The following PXDNL variants were observed in gnomAD, a reference collection of about 807,000 sequenced individuals.
PXDNL encodes the protein probable oxidoreductase PXDNL.
PXDNL carries 145 observed loss-of-function variants against 150.8 expected under a neutral mutation model. That is an observed-to-expected ratio of 0.96 (90% CI 0.84 to 1.10). The LOEUF (loss-of-function observed/expected upper bound fraction) is 1.10. Among genes scored for constraint, PXDNL ranks in the 50% least tolerant of loss-of-function variants. The pLI, the probability that PXDNL is intolerant of heterozygous loss-of-function variation, is 0.00. For synonymous variants in PXDNL, 757 were observed against 725.7 expected (o/e 1.04, Z -0.69); for missense variants, 2,087 against 1,873.9 (o/e 1.11, Z -2.10).
chr8:51,404,896 G>A (rs1808392109), intron 17 of PXDNL, among the ~76,000 whole-genome samples: 1 of 152,276 alleles, frequency 6.6e-6, no homozygotes, highest in East Asian at 1.9e-4. Context: ...AGGGAGGCTC[G>A]GGCTGCACAG....
chr8:51,743,904 A>AAAG (rs2036933488), intron 1 of PXDNL, among the ~76,000 whole-genome samples: 3 of 15,942 alleles, frequency 1.9e-4, no homozygotes, highest in African/African-American at 4.1e-4. Flanking sequence ...CTCTGCTGAG[A>AAAG]GAGAAAGGAA....
At chr8:51,452,935 A>AACACACACACACACACACACACACAC (rs146990384) in intron 10 of PXDNL, among the ~76,000 whole-genome samples, 6 of 142,564 alleles carry the variant, frequency 4.2e-5, no homozygotes, top group African/African-American at 1.6e-4. Context: ...CACACACACA[A>AACACACACACACACACACACACACAC]ACACACACAC....
chr8:51,587,540 G>A (rs1000600355), intron 3 of PXDNL, among the ~76,000 whole-genome samples: 2 of 152,132 alleles, frequency 1.3e-5, no homozygotes, highest in African/African-American at 4.8e-5. Context: ...GCTATCCTTT[G>A]TGTTTGGCAG....
chr8:51,452,923 C>T (rs1050958676), intron 10 of PXDNL, among the ~76,000 whole-genome samples: 47 of 97,706 alleles, frequency 4.8e-4, no homozygotes, highest in East Asian at 2.1e-3. Context: ...CACACACAAA[C>T]GCACACACAC....
At chr8:51,556,486 C>T (rs961986746) in intron 4 of PXDNL, among the ~76,000 whole-genome samples, 6 of 152,074 alleles carry the variant, frequency 3.9e-5, no homozygotes, top group African/African-American at 1.4e-4. Context: ...AAGTAATAAA[C>T]ATTTTTGCTT....
chr8:51,705,736 T>C (rs1816361772), intron 1 of PXDNL, among the ~76,000 whole-genome samples: 1 of 152,242 alleles, frequency 6.6e-6, no homozygotes, highest in African/African-American at 2.4e-5. Context: ...CCTTCTTTAA[T>C]GTCAGCTACA....
At position 51,562,071 on chromosome 8, in the gene PXDNL, G is replaced by A. The variant is rs186626669; in HGVS notation, c.309-5160C>T. Among the ~76,000 whole-genome samples, 597 of 151,120 alleles carry A rather than the reference G, an allele frequency of 4.0e-3. 8 individuals carry two copies. The highest frequency in any genetic ancestry group is 0.014 in the African/African-American group (579 of 41,298). ...ATATTTTCTAAGATGATTATATATTGATATATTGCTTTTTCATATTTATTT... is the reference window on the plus strand; with the variant it reads ...ATATTTTCTAAGATGATTATATATTAATATATTGCTTTTTCATATTTATTT... On this transcript the variant is annotated intron_variant, in intron 3 of 22. Coordinates refer to ENST00000356297, the MANE Select transcript of PXDNL (RefSeq NM_144651.5).
intron 1 of PXDNL, among the ~76,000 whole-genome samples, chr8:51,772,019 G>A (rs751506583): frequency 6.6e-6 from 1 of 152,016 alleles, no homozygotes; most frequent in Non-Finnish European, 1.5e-5. Context: ...CAGTGGAGCA[G>A]CTGGGAGGGT....
chr8:51,557,449 T>G (rs1812622842), intron 3 of PXDNL, among the ~76,000 whole-genome samples: 1 of 152,150 alleles, frequency 6.6e-6, no homozygotes, highest in Non-Finnish European at 1.5e-5. Context: ...CCAAAGGGTT[T>G]AAAGAAAACA....
At chr8:51,331,609 C>A (rs1301177777) in intron 21 of PXDNL, among the ~76,000 whole-genome samples, 1 of 151,976 alleles carries the variant, frequency 6.6e-6, no homozygotes, top group Non-Finnish European at 1.5e-5. Context: ...CAAGCCTGCC[C>A]TCCACCTGGA....
chr8:51,598,304 T>G (rs1385258385), intron 2 of PXDNL, among the ~76,000 whole-genome samples: 1 of 152,186 alleles, frequency 6.6e-6, no homozygotes, highest in African/African-American at 2.4e-5. Context: ...CTTCCTTGTC[T>G]TATTCCAGTT....
At chr8:51,342,855 A>G (rs1467875728) in intron 20 of PXDNL, among the ~76,000 whole-genome samples, 2 of 148,898 alleles carry the variant, frequency 1.3e-5, no homozygotes, top group Non-Finnish European at 3.0e-5. Context: ...GTTAAACTGC[A>G]CAGCTGGGAT....
chr8:51,743,189 A>G (rs901961721), intron 1 of PXDNL, among the ~76,000 whole-genome samples: 2 of 151,488 alleles, frequency 1.3e-5, no homozygotes, highest in African/African-American at 2.5e-5. Context: ...GGAATGAAGG[A>G]GGTAACTTCC....
At chr8:51,697,654 AGGGGTGATGCAG>A (rs1816175941) in intron 1 of PXDNL, among the ~76,000 whole-genome samples, 1 of 152,210 alleles carries the variant, frequency 6.6e-6, no homozygotes, top group South Asian at 2.1e-4. Flanking sequence ...GCTTAGAGAC[AGGGGTGATGCAG>A]GTCCCTAGAG....
At chr8:51,654,649 A>G (rs1183831796) in intron 2 of PXDNL, 40 bp downstream of exon 2, 1 of 1,492,544 alleles carries the variant, frequency 6.7e-7, no homozygotes, top group South Asian at 1.1e-5. Flanking sequence ...CAACCAGCAT[A>G]TAATTTTAGG....
At chr8:51,493,890 G>A (rs955399316) in intron 5 of PXDNL, among the ~76,000 whole-genome samples, 5 of 152,190 alleles carry the variant, frequency 3.3e-5, no homozygotes, top group African/African-American at 4.8e-5. Flanking sequence ...TCCCAATCTA[G>A]CAAGGCAGGC....
intron 21 of PXDNL, among the ~76,000 whole-genome samples, chr8:51,334,057 C>A (rs1054442433): frequency 3.0e-5 from 4 of 134,448 alleles, no homozygotes; most frequent in African/African-American, 1.1e-4. Context: ...CAAGATAGAT[C>A]ATATGATAGG....
At chr8:51,696,368 C>T (rs1585680804) in intron 1 of PXDNL, among the ~76,000 whole-genome samples, 2 of 152,194 alleles carry the variant, frequency 1.3e-5, no homozygotes, top group Admixed American at 1.3e-4. Context: ...AAAGAGAAGG[C>T]GGCCGTCTGC....
At chr8:51,339,171 C>T (rs1231462393) in intron 21 of PXDNL, among the ~76,000 whole-genome samples, 2 of 152,138 alleles carry the variant, frequency 1.3e-5, no homozygotes, top group Admixed American at 1.3e-4. Context: ...TATTACAATA[C>T]TACTCCCTGC....
Sources: gnomAD v4.1 joint callset for allele counts (sites outside exome capture counted in the v4.1 genomes callset) on GRCh38, gnomAD v4.1.1 for gene constraint, MANE v1.5 for transcripts, NCBI Gene and HGNC (gene_info 2026-07-23, HGNC 2026-07-21) for gene names.